The following USH2A variants were observed in gnomAD, a reference collection of about 807,000 sequenced individuals.
USH2A encodes usherin.
USH2A carries 443 observed loss-of-function variants against 538.9 expected under a neutral mutation model. That is an observed-to-expected ratio of 0.82 (90% CI 0.76 to 0.89). USH2A has a LOEUF of 0.89. USH2A is among the 40% of genes least tolerant of loss of function. The pLI is 0.00. For missense variants in USH2A, 6,633 were observed against 6,324.8 expected (o/e 1.05, Z -1.65); for synonymous variants, 2,413 against 2,273.5 (o/e 1.06, Z -1.75).
At chr1:215,926,634 T>TTTTTGG (rs1666244487) in intron 38 of USH2A, among the ~76,000 whole-genome samples, 1 of 148,048 alleles carries the variant, frequency 6.8e-6, no homozygotes, top group African/African-American at 2.5e-5. Context: ...TTTTTTTTTT[T>TTTTTGG]GAGACAGAGT....
intron 13 of USH2A, among the ~76,000 whole-genome samples, chr1:216,234,258 A>G (rs1373189526): frequency 2.0e-5 from 3 of 152,196 alleles, no homozygotes; most frequent in African/African-American, 7.2e-5. Context: ...TCTGTCTTAC[A>G]AAGTTTCAAG....
intron 64 of USH2A, among the ~76,000 whole-genome samples, chr1:215,668,355 T>C (rs1657698375): frequency 6.6e-6 from 1 of 152,232 alleles, no homozygotes; most frequent in African/African-American, 2.4e-5. Flanking sequence ...TAAATGAAAC[T>C]AATATTTTCT....
intron 37 of USH2A, among the ~76,000 whole-genome samples, chr1:215,946,094 G>A (rs1437988023): frequency 6.6e-6 from 1 of 152,122 alleles, no homozygotes; most frequent in East Asian, 1.9e-4. Context: ...TCTAAACTTG[G>A]TGGAAGGCAT....
At position 215,776,077 on chromosome 1, in the gene USH2A, A is replaced by T. The variant is rs140310348; in HGVS notation, c.10939+3766T>A. Among the ~76,000 whole-genome samples the T allele has an allele frequency of 3.3e-4, 51 of 152,326 alleles. No individual in the cohort carries two copies. The East Asian group carries it at 8.9e-3, about 27-fold the overall frequency. The stretch of plus-strand genomic sequence containing the variant: ...TCCTTTCTTCTATTCCTAAACTCAC[A>T]TTAGGAGGCCTACGTATAATGTAGA... On this transcript the variant is annotated intron_variant, in intron 55 of 71. Coordinates refer to ENST00000307340, the MANE Select transcript of USH2A (RefSeq NM_206933.4).
At chr1:216,232,231 T>C in intron 13 of USH2A, 95 bp from the exon 14 acceptor site, 1 of 1,344,474 alleles carries the variant, frequency 7.4e-7, no homozygotes, top group Non-Finnish European at 1.0e-6. Flanking sequence ...CAGAATACTC[T>C]ACCAAGGCAC....
At chr1:215,677,335 G>T (rs998904471) in intron 62 of USH2A, among the ~76,000 whole-genome samples, 1 of 151,970 alleles carries the variant, frequency 6.6e-6, no homozygotes, top group East Asian at 1.9e-4. Context: ...CCCTCTACTG[G>T]TTATTTCTAT....
At chr1:216,018,418 T>C (rs1443535528) in intron 32 of USH2A, among the ~76,000 whole-genome samples, 3 of 152,160 alleles carry the variant, frequency 2.0e-5, no homozygotes, top group South Asian at 2.1e-4. Flanking sequence ...CTCCCCTCAA[T>C]GGAGGAACAG....
intron 38 of USH2A, among the ~76,000 whole-genome samples, chr1:215,914,859 C>T (rs533435279): frequency 2.0e-4 from 31 of 152,250 alleles, no homozygotes; most frequent in African/African-American, 5.8e-4. Context: ...GAACAAAGTT[C>T]AAAGTTTTGG....
At chr1:216,392,792 G>C (rs1465787001) in intron 3 of USH2A, among the ~76,000 whole-genome samples, 3 of 152,144 alleles carry the variant, frequency 2.0e-5, no homozygotes, top group African/African-American at 7.2e-5. Flanking sequence ...GGAAGGAATT[G>C]GTTGGGTCTG....
At chr1:216,332,706 T>C (rs2037893981) in intron 4 of USH2A, among the ~76,000 whole-genome samples, 2 of 152,128 alleles carry the variant, frequency 1.3e-5, no homozygotes, top group Non-Finnish European at 2.9e-5. Flanking sequence ...CTCTGTTCAG[T>C]CATTGCCTGA....
intron 27 of USH2A, among the ~76,000 whole-genome samples, chr1:216,076,746 G>C (rs1416661006): frequency 1.3e-5 from 2 of 152,074 alleles, no homozygotes; most frequent in Non-Finnish European, 2.9e-5. Context: ...TCTCCTAAGA[G>C]CTTGCCATAT....
At chr1:215,916,852 C>T (rs1665967324) in intron 38 of USH2A, among the ~76,000 whole-genome samples, 1 of 152,014 alleles carries the variant, frequency 6.6e-6, no homozygotes, top group Non-Finnish European at 1.5e-5. Flanking sequence ...GGTAATACAC[C>T]TCCACCTCCA....
chr1:216,301,730 C>T (rs565996040), intron 9 of USH2A, among the ~76,000 whole-genome samples: 24 of 152,302 alleles, frequency 1.6e-4, no homozygotes, highest in South Asian at 4.1e-4. Flanking sequence ...CTTTTTAGTA[C>T]TGTTACAGTA....
chr1:216,262,298 A>C (rs2036389565), intron 11 of USH2A, among the ~76,000 whole-genome samples: 1 of 152,146 alleles, frequency 6.6e-6, no homozygotes, highest in African/African-American at 2.4e-5. Flanking sequence ...ATAGAAGAAA[A>C]TACAGATATG....
intron 67 of USH2A, among the ~76,000 whole-genome samples, chr1:215,643,666 C>G (rs1435053061): frequency 4.6e-5 from 7 of 151,904 alleles, no homozygotes; most frequent in African/African-American, 1.7e-4. Context: ...GCTGGGACTA[C>G]AGGCGCATGT....
chr1:215,810,484 G>C (rs1481149525), intron 49 of USH2A, among the ~76,000 whole-genome samples: 1 of 152,036 alleles, frequency 6.6e-6, no homozygotes, highest in Admixed American at 6.6e-5. Flanking sequence ...AGGGACAGAG[G>C]ATATTTTGTA....
At chr1:216,390,153 C>T (rs184158679) in intron 3 of USH2A, among the ~76,000 whole-genome samples, 14 of 152,158 alleles carry the variant, frequency 9.2e-5, no homozygotes, top group South Asian at 6.2e-4. Flanking sequence ...TATCTTAAAA[C>T]CATAGATTCT....
At chr1:216,233,710 T>C (rs2035749311) in intron 13 of USH2A, among the ~76,000 whole-genome samples, 1 of 151,998 alleles carries the variant, frequency 6.6e-6, no homozygotes, top group African/African-American at 2.4e-5. Flanking sequence ...AGGAAAGAAA[T>C]ACAAATATGA....
intron 3 of USH2A, among the ~76,000 whole-genome samples, chr1:216,388,606 G>T (rs1303790814): frequency 6.6e-6 from 1 of 152,192 alleles, no homozygotes; most frequent in East Asian, 1.9e-4. Flanking sequence ...TAACATAAAA[G>T]CAGCTTTCTA....
Sources: gnomAD v4.1 joint callset for allele counts (sites outside exome capture counted in the v4.1 genomes callset) on GRCh38, gnomAD v4.1.1 for gene constraint, MANE v1.5 for transcripts, NCBI Gene and HGNC (gene_info 2026-07-23, HGNC 2026-07-21) for gene names.